Variants in CEP85L observed in about 807,000 individuals in gnomAD.
The protein encoded by CEP85L is centrosomal protein 85L.
In CEP85L, 60 loss-of-function variants were observed where a neutral mutation model predicts 100.3. The ratio of observed to expected loss-of-function variants is 0.60; its 90% confidence interval spans 0.49 to 0.74. The LOEUF (loss-of-function observed/expected upper bound fraction) is 0.74, where lower values mean the gene tolerates loss of function less well. CEP85L is among the 30% of genes least tolerant of loss of function. The pLI is 0.00. For synonymous variants in CEP85L, 319 were observed against 322.7 expected (o/e 0.99, Z 0.12); for missense variants, 973 against 936.2 (o/e 1.04, Z -0.51).
At chr6:118,558,654 C>CAGAGAGAGAGAG (rs1376671743) in intron 3 of CEP85L, among the ~76,000 whole-genome samples, 1 of 131,546 alleles carries the variant, frequency 7.6e-6, no homozygotes, top group African/African-American at 3.3e-5. Context: ...CACACACACA[C>CAGAGAGAGAGAG]ACACACAGAG....
intron 6 of CEP85L, among the ~76,000 whole-genome samples, chr6:118,484,338 A>T (rs1228925969): frequency 6.6e-6 from 1 of 152,188 alleles, no homozygotes; most frequent in African/African-American, 2.4e-5. Flanking sequence ...CAAACAAAAA[A>T]AGATTTACAC....
chr6:118,617,217 TA>T (rs1773119735), intron 2 of CEP85L, among the ~76,000 whole-genome samples: 1 of 152,124 alleles, frequency 6.6e-6, no homozygotes, highest in Non-Finnish European at 1.5e-5. Context: ...TATTGAGGTA[TA>T]ATATATGCTT....
chr6:118,540,171 T>C (rs1777827980), intron 3 of CEP85L, among the ~76,000 whole-genome samples: 1 of 151,458 alleles, frequency 6.6e-6, no homozygotes, highest in Admixed American at 6.6e-5. Flanking sequence ...TTGAAAAAAA[T>C]CCAAAAGTAT....
At chr6:118,605,226 C>T (rs1043319870) in intron 2 of CEP85L, among the ~76,000 whole-genome samples, 1 of 152,186 alleles carries the variant, frequency 6.6e-6, no homozygotes, top group Non-Finnish European at 1.5e-5. Context: ...GAGGGAAATA[C>T]TACAGAAGAC....
At chr6:118,519,581 TGGCGGGGGGG>T (rs1776534283) in intron 4 of CEP85L, among the ~76,000 whole-genome samples, 5 of 3,028 alleles carry the variant, frequency 1.7e-3, no homozygotes, top group Non-Finnish European at 2.6e-3. Context: ...TGTGTGTGTG[TGGCGGGGGGG>T]GGGTGTGAAA....
chr6:118,482,380 T>C (rs1441801466), intron 7 of CEP85L, among the ~76,000 whole-genome samples: 1 of 152,174 alleles, frequency 6.6e-6, no homozygotes, highest in Non-Finnish European at 1.5e-5. Flanking sequence ...CTCCATTTCC[T>C]GGTAACCAAC....
chr6:118,651,294 C>A lies in CEP85L; in HGVS notation c.-25G>T. ...TCGCGGGCGAGAGGGCCGGGTGGGC[C>A]AGGGACGCCCGACTCCTCACGTCCG... On this transcript the variant is annotated 5_prime_UTR_variant, in exon 1 of 13. Transcript: ENST00000368491. 6.8e-7 allele frequency: 1 copy of A among 1,465,894 alleles called. No individual in the cohort carries two copies. Among genetic ancestry groups the A allele is most frequent in the Non-Finnish European group, 9.0e-7 (1 of 1,111,848 alleles). 90.8% of individuals were successfully genotyped at this position (1,465,894 alleles called of 1,614,324 possible). A position where few individuals can be genotyped will look rare whatever the true frequency, so the allele number is the denominator to read the frequency against.
chr6:118,646,840 ACT>A lies in CEP85L; in HGVS notation c.73+4355_73+4356del, dbSNP rs1775232660. 4 of 673,896 alleles carry A rather than the reference ACT, an allele frequency of 5.9e-6. No individual in the cohort carries two copies. The South Asian group carries it at 2.7e-4, about 45-fold the overall frequency. 41.7% of individuals were successfully genotyped at this position (673,896 alleles called of 1,614,324 possible). ...ATTTCATCCAGTCTGAAAAATCATG[ACT>A]CTCTCAACCCTTTCTGTTCACACAC... is the stretch of plus-strand genomic sequence containing the variant. On this transcript the variant is annotated intron_variant, in intron 1 of 12. Transcript: ENST00000368491.
At chr6:118,652,853 G>T, upstream of CEP85L, 1 of 803,872 alleles carries the variant, frequency 1.2e-6, no homozygotes, top group South Asian at 1.7e-5. Context: ...AATGTGATTG[G>T]TTCCTTTTTA....
In CEP85L at chr6:118,511,194, A is replaced by T. The variant is rs9481820; in HGVS notation, c.1257+104T>A. ...ATATAAATAAATATAAATCATGTGA[A>T]TACATTATTAAGTTGATTTAAAATG... On this transcript the variant is annotated intron_variant, in intron 5 of 12. Transcript: ENST00000368491. 0.012 allele frequency: 8,772 copies of T among 742,962 alleles called. 279 individuals carry two copies. The highest frequency in any genetic ancestry group is 0.09 in the African/African-American group (5,083 of 56,176). 46.0% of individuals were successfully genotyped at this position (742,962 alleles called of 1,614,324 possible).
intron 3 of CEP85L, among the ~76,000 whole-genome samples, chr6:118,526,329 G>A (rs755095121): frequency 1.3e-5 from 2 of 152,104 alleles, no homozygotes; most frequent in Non-Finnish European, 2.9e-5. Flanking sequence ...TCTCCAGAAT[G>A]CCCCATGATC....
At chr6:118,659,992 A>G (rs1478206234) in intron 1 of CEP85L, among the ~76,000 whole-genome samples, 1 of 152,222 alleles carries the variant, frequency 6.6e-6, no homozygotes, top group Non-Finnish European at 1.5e-5. Flanking sequence ...TTATCTTCCC[A>G]CATACCAACT....
intron 1 of CEP85L, among the ~76,000 whole-genome samples, chr6:118,635,865 T>A (rs1439347471): frequency 6.6e-6 from 1 of 152,186 alleles, no homozygotes; most frequent in African/African-American, 2.4e-5. Context: ...CTCACTCCAG[T>A]AATGGGGAGG....
At chr6:118,651,695 T>C (rs1583228245), upstream of CEP85L, 2 of 154,446 alleles carry the variant, frequency 1.3e-5, no homozygotes, top group Non-Finnish European at 1.5e-5. Flanking sequence ...GGGCGGGGAC[T>C]GCGGGGGGCG....
chr6:118,631,809 G>C (rs532742297), intron 2 of CEP85L, among the ~76,000 whole-genome samples: 6 of 152,170 alleles, frequency 3.9e-5, no homozygotes, highest in African/African-American at 7.2e-5. Context: ...AGGAGAGGGG[G>C]CAGAGAGAGA....
chr6:118,579,647 A>G lies in CEP85L; in HGVS notation c.233-13331T>C, dbSNP rs139808656. On this transcript the variant is annotated intron_variant, in intron 2 of 12. Transcript: ENST00000368491. ...TACTTTATGATAGGACAGATAATAA[A>G]TGATAATCTGGTCCTTAATCTACCT... is the stretch of plus-strand genomic sequence containing the variant. Among the ~76,000 whole-genome samples the G allele has an allele frequency of 6.9e-3, 1,046 of 152,366 alleles. 7 individuals carry two copies. The highest frequency in any genetic ancestry group is 0.015 in the African/African-American group (611 of 41,590).
chr6:118,470,728 T>C, intron 10 of CEP85L, 84 bp from the exon 11 acceptor site: 1 of 677,084 alleles, frequency 1.5e-6, no homozygotes, highest in South Asian at 2.3e-5. Context: ...GAATGTTGGC[T>C]CTGAATACTT....
At chr6:118,536,575 A>G (rs1777605601) in intron 3 of CEP85L, among the ~76,000 whole-genome samples, 1 of 152,190 alleles carries the variant, frequency 6.6e-6, no homozygotes, top group Non-Finnish European at 1.5e-5. Flanking sequence ...AGAATCCTTA[A>G]GTCCCAAAGA....
chr6:118,621,928 G>A (rs757453790), intron 2 of CEP85L, among the ~76,000 whole-genome samples: 15 of 152,216 alleles, frequency 9.9e-5, no homozygotes, highest in Admixed American at 2.0e-4. Flanking sequence ...AATCAGAGGC[G>A]GAAACAGCCT....
Sources: gnomAD v4.1 joint callset for allele counts (sites outside exome capture counted in the v4.1 genomes callset) on GRCh38, gnomAD v4.1.1 for gene constraint, MANE v1.5 for transcripts, NCBI Gene and HGNC (gene_info 2026-07-23, HGNC 2026-07-21) for gene names.